Variants in OSBPL10 observed in about 807,000 individuals in gnomAD.
OSBPL10 encodes the protein oxysterol binding protein like 10.
Under a neutral mutation model 81.7 loss-of-function variants are expected in OSBPL10, and 49 were observed. The ratio of observed to expected loss-of-function variants is 0.60; its 90% CI spans 0.48 to 0.76. The LOEUF is 0.76. Ranked by LOEUF, OSBPL10 falls within the 30% of genes least tolerant of loss-of-function variation. The probability of loss-of-function intolerance (pLI) is 0.00; values close to 1 mark genes in which losing one functional copy is unlikely to be tolerated. For synonymous variants in OSBPL10, 419 were observed against 383.6 expected (o/e 1.09, Z -1.08); for missense variants, 923 against 987.8 (o/e 0.93, Z 0.88).
intron 4 of OSBPL10, among the ~76,000 whole-genome samples, chr3:31,810,576 A>T (rs887995976): frequency 6.6e-6 from 1 of 152,144 alleles, no homozygotes; most frequent in African/African-American, 2.4e-5. Context: ...TAATATATAC[A>T]TATATATAAA....
intron 4 of OSBPL10, among the ~76,000 whole-genome samples, chr3:31,751,801 T>C (rs576101345): frequency 5.3e-5 from 8 of 152,374 alleles, no homozygotes; most frequent in Admixed American, 3.9e-4. Flanking sequence ...CTCTAGTCTT[T>C]AATGACACAA....
At chr3:31,674,711 C>G (rs1012324032) in intron 8 of OSBPL10, among the ~76,000 whole-genome samples, 1 of 152,200 alleles carries the variant, frequency 6.6e-6, no homozygotes, top group Admixed American at 6.5e-5. Flanking sequence ...CCTCTTCCAC[C>G]ACGAGTGGAT....
intron 2 of OSBPL10, among the ~76,000 whole-genome samples, chr3:32,040,417 T>C (rs1699563960): frequency 6.6e-6 from 1 of 151,550 alleles, no homozygotes; most frequent in Non-Finnish European, 1.5e-5. Flanking sequence ...AAAAAATATA[T>C]ATATAGAAAT....
chr3:31,927,855 G>A (rs544065959), intron 1 of OSBPL10, among the ~76,000 whole-genome samples: 5 of 152,276 alleles, frequency 3.3e-5, no homozygotes, highest in African/African-American at 1.2e-4. Flanking sequence ...TCTGTAGCCC[G>A]TGAATCTTCA....
intron 4 of OSBPL10, among the ~76,000 whole-genome samples, chr3:31,783,803 AAAAAAAAAAAAAAAAAAAAAAT>A (rs1698773785): frequency 1.5e-5 from 1 of 68,474 alleles, no homozygotes; most frequent in African/African-American, 6.8e-5. Context: ...AAAAAAAAAA[AAAAAAAAAAAAAAAAAAAAAAT>A]ATATATATAT....
intron 1 of OSBPL10, among the ~76,000 whole-genome samples, chr3:31,963,839 G>GA (rs1273435311): frequency 6.6e-6 from 1 of 151,552 alleles, no homozygotes; most frequent in Non-Finnish European, 1.5e-5. Context: ...CTCCCAATTA[G>GA]ATTTTTTTTT....
chr3:32,002,330 C>T (rs1203831133), intron 2 of OSBPL10, among the ~76,000 whole-genome samples: 1 of 152,168 alleles, frequency 6.6e-6, no homozygotes, highest in Non-Finnish European at 1.5e-5. Flanking sequence ...AGAGACCACA[C>T]ACCAGGAGAA....
chr3:31,830,696 G>C (rs1700218042), intron 3 of OSBPL10, among the ~76,000 whole-genome samples: 6 of 152,120 alleles, frequency 3.9e-5, no homozygotes, highest in Admixed American at 3.9e-4. Context: ...ACTGCATCAA[G>C]ATTATATTGA....
In OSBPL10 at chr3:31,673,950, G is replaced by GA. The variant is rs200431459; in HGVS notation, c.1727-2968dup. ...CATGCACCACCATACCCAACTAATT[G>GA]AAAAAAAAATTATTTATAGAGACAA... On this transcript the variant is annotated intron_variant, in intron 8 of 11. Transcript: ENST00000396556. Among the ~76,000 whole-genome samples, 1,364 of 150,696 alleles carry GA rather than the reference G, an allele frequency of 9.1e-3. 24 individuals are homozygous for GA. The highest frequency in any genetic ancestry group is 0.03 in the African/African-American group (1,234 of 41,052).
chr3:31,988,166 T>TC (rs1041006998), intron 2 of OSBPL10, among the ~76,000 whole-genome samples: 23 of 152,208 alleles, frequency 1.5e-4, no homozygotes, highest in African/African-American at 5.3e-4. Context: ...GGAGCAATTA[T>TC]CCTGTGTCTG....
intron 4 of OSBPL10, among the ~76,000 whole-genome samples, chr3:31,785,666 A>G (rs1012960372): frequency 2.0e-5 from 3 of 152,194 alleles, no homozygotes; most frequent in Non-Finnish European, 4.4e-5. Flanking sequence ...TATAAAATGA[A>G]GAGACTGAAC....
At chr3:31,741,412 A>C (rs747067353) in intron 5 of OSBPL10, among the ~76,000 whole-genome samples, 59 of 152,240 alleles carry the variant, frequency 3.9e-4, no homozygotes, top group Non-Finnish European at 7.6e-4. Flanking sequence ...CTACAGGCGC[A>C]TGCCACCACA....
At chr3:31,695,495 C>T (rs927337427) in intron 7 of OSBPL10, among the ~76,000 whole-genome samples, 5 of 152,130 alleles carry the variant, frequency 3.3e-5, no homozygotes, top group Admixed American at 6.6e-5. Context: ...AGTATAGAGT[C>T]CCTGGCCCAA....
chr3:31,924,334 G>A (rs1697008483), intron 1 of OSBPL10, among the ~76,000 whole-genome samples: 2 of 152,130 alleles, frequency 1.3e-5, no homozygotes, highest in Admixed American at 1.3e-4. Context: ...GTGGTCCATG[G>A]CCATCTAGAG....
intron 4 of OSBPL10, among the ~76,000 whole-genome samples, chr3:31,807,700 G>A (rs745501602): frequency 5.9e-5 from 9 of 152,028 alleles, no homozygotes; most frequent in Non-Finnish European, 1.0e-4. Flanking sequence ...ATTGGGCCAC[G>A]GCACTCCAGT....
At chr3:31,908,897 C>T (rs1696495935) in intron 1 of OSBPL10, among the ~76,000 whole-genome samples, 1 of 152,210 alleles carries the variant, frequency 6.6e-6, no homozygotes, top group Admixed American at 6.5e-5. Context: ...TTTCACTTAA[C>T]TAGTGATTAG....
intron 7 of OSBPL10, among the ~76,000 whole-genome samples, chr3:31,697,166 GC>G: frequency 6.6e-6 from 1 of 152,122 alleles, no homozygotes; most frequent in East Asian, 1.9e-4. Context: ...TTCCACTTTT[GC>G]CCCCTTAGAA....
chr3:31,716,463 C>T (rs1696438639), intron 6 of OSBPL10, among the ~76,000 whole-genome samples: 1 of 152,170 alleles, frequency 6.6e-6, no homozygotes, highest in South Asian at 2.1e-4. Context: ...CGAGGCCCTC[C>T]AGGAGATTTG....
chr3:31,727,404 A>T (rs1377686314), intron 6 of OSBPL10, among the ~76,000 whole-genome samples: 2 of 151,506 alleles, frequency 1.3e-5, no homozygotes, highest in South Asian at 2.1e-4. Flanking sequence ...AAAAAAAAAA[A>T]GGTCTATTCT....
Sources: allele counts gnomAD v4.1 joint callset (sites outside exome capture counted in the v4.1 genomes callset), GRCh38; gene constraint gnomAD v4.1.1; transcripts MANE v1.5; gene names NCBI Gene and HGNC (gene_info 2026-07-23, HGNC 2026-07-21).